The following CTNND2 variants were observed in gnomAD, a reference collection of about 807,000 sequenced individuals.
The protein encoded by CTNND2 is catenin delta-2.
CTNND2 carries 22 observed loss-of-function variants against 144.4 expected under a neutral mutation model. The observed-to-expected ratio is 0.15, with a 90% confidence interval of 0.11 to 0.22. The LOEUF is 0.22. Ranked by LOEUF, CTNND2 falls within the 10% of genes least tolerant of loss-of-function variation. CTNND2 has a pLI of 1.00. For synonymous variants in CTNND2, 751 were observed against 695.6 expected, an observed-to-expected ratio of 1.08 and a Z score of -1.25; for missense variants, 1,353 against 1,618.8, an observed-to-expected ratio of 0.84 and a Z score of 2.82.
intron 12 of CTNND2, among the ~76,000 whole-genome samples, chr5:11,124,470 C>T (rs1160375985): frequency 6.6e-6 from 1 of 152,112 alleles, no homozygotes; most frequent in Non-Finnish European, 1.5e-5. Context: ...CTTGCTTTTG[C>T]TTCAAAAACA....
In CTNND2 at chr5:11,117,485, G is replaced by T. The variant is rs866161619; in HGVS notation, c.2242C>A (p.Gln748Lys). 1.2e-6 allele frequency: 2 copies of T among 1,614,098 alleles called. No homozygotes were observed. The highest frequency in any genetic ancestry group is 2.2e-5 in the South Asian group (2 of 91,080). Residue 748 changes from glutamine to lysine, a missense_variant, in exon 13 of 22, where the codon CAG becomes AAG. Coordinates refer to ENST00000304623, the MANE Select transcript of CTNND2 (RefSeq NM_001332.4). ...GLTDALLYVIQSALGSSEIDS... is the reference protein window; with the variant it reads ...GLTDALLYVIKSALGSSEIDS... ...ATCTCACTGCTCCCCAGCGCAGACT[G>T]GATCACGTACAGCAAGGCATCCGTA...
intron 2 of CTNND2, among the ~76,000 whole-genome samples, chr5:11,647,221 A>G (rs970498689): frequency 1.5e-4 from 23 of 152,122 alleles, no homozygotes; most frequent in African/African-American, 5.3e-4. Flanking sequence ...GCCCCACCCC[A>G]ATTCTTTTGT....
At chr5:11,564,087 C>T (rs1205790808) in intron 3 of CTNND2, among the ~76,000 whole-genome samples, 7 of 152,088 alleles carry the variant, frequency 4.6e-5, no homozygotes, top group Non-Finnish European at 7.4e-5. Flanking sequence ...AGAAAGAGGG[C>T]GTGAGTCACT....
In CTNND2 at chr5:11,535,034, T is replaced by A. The variant is rs147658859; in HGVS notation, c.287+29910A>T. ...AAACACGTTCTCTACTAAAAATACA[T>A]CAAATTAGCCAGGCATGGTGGCGGA... On this transcript the variant is annotated intron_variant, in intron 3 of 21. Transcript: ENST00000304623. 5.4e-4 allele frequency among the ~76,000 whole-genome samples: 82 copies of A among 151,536 alleles called. 2 individuals are homozygous for A. In the East Asian group the frequency reaches 0.014, roughly 26 times the overall value.
chr5:11,709,928 T>C (rs1441012182), intron 2 of CTNND2, among the ~76,000 whole-genome samples: 1 of 152,222 alleles, frequency 6.6e-6, no homozygotes, highest in Admixed American at 6.5e-5. Context: ...ACATTAATAA[T>C]GTAAGAGTTA....
intron 16 of CTNND2, among the ~76,000 whole-genome samples, chr5:11,030,657 A>ATAT (rs1329322414): frequency 4.0e-5 from 6 of 149,668 alleles, no homozygotes; most frequent in African/African-American, 1.5e-4. Flanking sequence ...GACTCTCTTC[A>ATAT]TATCTTCCTT....
At chr5:11,311,272 T>G (rs1283206520) in intron 9 of CTNND2, among the ~76,000 whole-genome samples, 4 of 70,424 alleles carry the variant, frequency 5.7e-5, no homozygotes, top group Non-Finnish European at 6.7e-5. Flanking sequence ...ACTCACTCCA[T>G]GCACCCTCAC....
At chr5:11,321,657 T>C (rs1345182270) in intron 9 of CTNND2, among the ~76,000 whole-genome samples, 3 of 152,154 alleles carry the variant, frequency 2.0e-5, no homozygotes, top group Non-Finnish European at 4.4e-5. Flanking sequence ...GGGAAACTTG[T>C]GAGGGACAGT....
intron 3 of CTNND2, among the ~76,000 whole-genome samples, chr5:11,470,686 T>C (rs1028827770): frequency 1.3e-5 from 2 of 152,016 alleles, no homozygotes; most frequent in Non-Finnish European, 2.9e-5. Flanking sequence ...AAGCTCTCCT[T>C]GGCTATGACA....
At chr5:11,356,849 C>T (rs11133651) in intron 8 of CTNND2, among the ~76,000 whole-genome samples, 4,595 of 151,340 alleles carry the variant, frequency 0.03, 254 homozygotes, top group East Asian at 0.15. Flanking sequence ...AAAAAAGTTC[C>T]GATTTTAAAA....
rs532053519 is a variant in CTNND2 at position 11,681,133 on chromosome 5, G to A, written c.174+51003C>T. The stretch of plus-strand genomic sequence containing the variant: ...GCCTGGAGGAATTCTACCCCCAGTT[G>A]TGTAAGGAAGAATAAACTGGCTAAG... On this transcript the variant is annotated intron_variant, in intron 2 of 21. Coordinates refer to ENST00000304623, the MANE Select transcript of CTNND2 (RefSeq NM_001332.4). Among the ~76,000 whole-genome samples the A allele has an allele frequency of 5.9e-5, 9 of 152,306 alleles. No individual in the cohort carries two copies. The South Asian group carries it at 1.7e-3, about 28-fold the overall frequency.
chr5:11,084,174 G>A (rs1749894672), intron 15 of CTNND2, among the ~76,000 whole-genome samples: 1 of 152,176 alleles, frequency 6.6e-6, no homozygotes, highest in Admixed American at 6.5e-5. Flanking sequence ...CCACTTTCAG[G>A]GAGCAAAGAA....
intron 2 of CTNND2, among the ~76,000 whole-genome samples, chr5:11,710,707 A>AT (rs1171571303): frequency 1.3e-5 from 2 of 152,092 alleles, no homozygotes; most frequent in African/African-American, 4.8e-5. Context: ...CTACAAGTCT[A>AT]TTTTTTCCCT....
At chr5:11,631,629 T>A (rs904172029) in intron 2 of CTNND2, among the ~76,000 whole-genome samples, 12 of 152,068 alleles carry the variant, frequency 7.9e-5, no homozygotes, top group African/African-American at 2.9e-4. Context: ...ACCACCAGAG[T>A]TTCTCATCCT....
chr5:11,627,816 G>A (rs1435247077), intron 2 of CTNND2, among the ~76,000 whole-genome samples: 1 of 150,112 alleles, frequency 6.7e-6, no homozygotes, highest in African/African-American at 2.5e-5. Flanking sequence ...CCTGTTTTCT[G>A]GCAACTAGAT....
intron 18 of CTNND2, among the ~76,000 whole-genome samples, chr5:11,012,715 C>T (rs1212287273): frequency 6.6e-6 from 1 of 152,224 alleles, no homozygotes; most frequent in African/African-American, 2.4e-5. Context: ...TGGCCATGCA[C>T]TCTTTGTATT....
intron 21 of CTNND2, 56 bp downstream of exon 21, chr5:10,981,715 GGT>G (rs1194839589): frequency 4.8e-6 from 7 of 1,472,302 alleles, no homozygotes; most frequent in Non-Finnish European, 6.6e-6. Context: ...TAAAATTCCA[GGT>G]TATTTCACAT....
chr5:10,988,317 C>A lies in CTNND2; in HGVS notation c.3212-75G>T. The A allele has an allele frequency of 6.4e-7, 1 of 1,567,632 alleles. No homozygotes were observed. The highest frequency in any genetic ancestry group is 1.1e-5 in the South Asian group (1 of 87,374). On this transcript the variant is annotated intron_variant, in intron 19 of 21. Transcript: ENST00000304623. The surrounding 1 kb of genome is among the most constrained non-coding windows in gnomAD (Gnocchi z 5.9). ...TGTGTGCCTTCCACACAGTCAGGGT[C>A]CTCACTATGCATGGTCCCGCATCTC... is the stretch of plus-strand genomic sequence containing the variant.
At chr5:11,719,941 G>T (rs992745577) in intron 2 of CTNND2, among the ~76,000 whole-genome samples, 7 of 151,396 alleles carry the variant, frequency 4.6e-5, no homozygotes, top group Admixed American at 2.6e-4. Context: ...AGTTAGAAAA[G>T]GATAATATAT....
Sources: allele counts gnomAD v4.1 joint callset (sites outside exome capture counted in the v4.1 genomes callset), GRCh38; gene constraint gnomAD v4.1.1; non-coding constraint Gnocchi (gnomAD v3.1); transcripts MANE v1.5; gene names NCBI Gene and HGNC (gene_info 2026-07-23, HGNC 2026-07-21).